Variants in CNTNAP2 observed in about 807,000 individuals in gnomAD.
The protein encoded by CNTNAP2 is contactin-associated protein-like 2.
A neutral mutation model predicts 155.2 loss-of-function variants in CNTNAP2; 98 were observed. The observed-to-expected ratio is 0.63, with a 90% CI of 0.54 to 0.75. The LOEUF (loss-of-function observed/expected upper bound fraction) is 0.75, where lower values mean the gene tolerates loss of function less well. Ranked by LOEUF, CNTNAP2 falls within the 30% of genes least tolerant of loss-of-function variation. The pLI is 0.00. For missense variants in CNTNAP2, 1,727 were observed against 1,688.1 expected, an observed-to-expected ratio of 1.02 and a Z score of -0.40; for synonymous variants, 651 against 631.2, an observed-to-expected ratio of 1.03 and a Z score of -0.47.
At chr7:146,637,284 C>A (rs1306325196) in intron 1 of CNTNAP2, among the ~76,000 whole-genome samples, 4 of 152,062 alleles carry the variant, frequency 2.6e-5, no homozygotes, top group African/African-American at 9.7e-5. Flanking sequence ...TCACATTTTT[C>A]AATACATATT....
intron 9 of CNTNAP2, among the ~76,000 whole-genome samples, chr7:147,315,009 G>A (rs1917599): frequency 0.51 from 75,737 of 149,350 alleles, 21,194 homozygotes; most frequent in East Asian, 0.73. Flanking sequence ...AAGTTGATTC[G>A]AAGAGCAGTG....
intron 1 of CNTNAP2, among the ~76,000 whole-genome samples, chr7:146,631,373 T>C (rs780706451): frequency 7.9e-5 from 12 of 152,184 alleles, no homozygotes; most frequent in Non-Finnish European, 1.6e-4. Context: ...GCCAGAATCA[T>C]AGATGTTTGG....
At chr7:146,325,361 C>A (rs987151328) in intron 1 of CNTNAP2, among the ~76,000 whole-genome samples, 3 of 152,138 alleles carry the variant, frequency 2.0e-5, no homozygotes, top group Non-Finnish European at 4.4e-5. Context: ...AGTCATATTT[C>A]TGACTTTGTG....
chr7:147,254,989 A>G (rs4725709), intron 8 of CNTNAP2, among the ~76,000 whole-genome samples: 67,249 of 152,028 alleles, frequency 0.44, 16,543 homozygotes, highest in East Asian at 0.79. Context: ...TATAATTGCA[A>G]TCATGTATTG....
chr7:148,278,583 A>G (rs1472304014), intron 21 of CNTNAP2, among the ~76,000 whole-genome samples: 1 of 151,764 alleles, frequency 6.6e-6, no homozygotes, highest in Non-Finnish European at 1.5e-5. Context: ...AAAAAAAAAA[A>G]AAAAAGCCTG....
intron 1 of CNTNAP2, among the ~76,000 whole-genome samples, chr7:146,341,587 G>A (rs1052345580): frequency 3.9e-5 from 6 of 152,062 alleles, no homozygotes; most frequent in Non-Finnish European, 8.8e-5. Context: ...ACATAACATA[G>A]TAATAATGCT....
chr7:147,947,010 A>G (rs1800831071), intron 14 of CNTNAP2, among the ~76,000 whole-genome samples: 2 of 151,944 alleles, frequency 1.3e-5, no homozygotes, highest in South Asian at 2.1e-4. Flanking sequence ...TAAATGACTT[A>G]CAGGGGAAAT....
intron 1 of CNTNAP2, among the ~76,000 whole-genome samples, chr7:146,730,427 A>G (rs17592699): frequency 0.014 from 2,166 of 152,234 alleles, 27 homozygotes; most frequent in Non-Finnish European, 0.023. Context: ...TACACATCCA[A>G]TAAATGTCCA....
At chr7:146,163,079 C>G (rs1798249922) in intron 1 of CNTNAP2, among the ~76,000 whole-genome samples, 1 of 152,062 alleles carries the variant, frequency 6.6e-6, no homozygotes. Flanking sequence ...ACGGGTGCAG[C>G]ACACCAACAT....
At position 147,891,351 on chromosome 7, in the gene CNTNAP2, T is replaced by C. The variant is rs1481732961; in HGVS notation, c.2099-12214T>C. ...TCCCGAGTAGCTGGGATTGCAGGCG[T>C]GCACCATCATGCCCGGCTAATTTTT... On this transcript the variant is annotated intron_variant, in intron 13 of 23. Coordinates refer to ENST00000361727, the MANE Select transcript of CNTNAP2 (RefSeq NM_014141.6). Among the ~76,000 whole-genome samples the C allele has an allele frequency of 2.0e-5, 3 of 152,172 alleles. No individual in the cohort carries two copies. In the South Asian group the frequency reaches 6.2e-4, roughly 32 times the overall value.
intron 10 of CNTNAP2, among the ~76,000 whole-genome samples, chr7:147,397,006 T>G (rs2116456851): frequency 6.6e-6 from 1 of 152,188 alleles, no homozygotes; most frequent in East Asian, 1.9e-4. Context: ...AAATAATCTA[T>G]TTTGAAGTAA....
chr7:147,869,780 A>G (rs551607234), intron 13 of CNTNAP2, among the ~76,000 whole-genome samples: 4 of 152,176 alleles, frequency 2.6e-5, no homozygotes, highest in East Asian at 1.9e-4. Context: ...GATTGCAGAT[A>G]ATAAGTTTGT....
At chr7:146,603,655 C>T (rs1190115395) in intron 1 of CNTNAP2, among the ~76,000 whole-genome samples, 1 of 151,022 alleles carries the variant, frequency 6.6e-6, no homozygotes, top group Admixed American at 6.6e-5. Flanking sequence ...AGGAATCACA[C>T]TACCTGACTT....
At chr7:148,372,561 A>C (rs1798906859) in intron 21 of CNTNAP2, among the ~76,000 whole-genome samples, 1 of 151,978 alleles carries the variant, frequency 6.6e-6, no homozygotes, top group South Asian at 2.1e-4. Flanking sequence ...TACAAAAATT[A>C]GCCTGGTGTG....
At chr7:147,466,843 C>T (rs962474107) in intron 10 of CNTNAP2, among the ~76,000 whole-genome samples, 1 of 152,114 alleles carries the variant, frequency 6.6e-6, no homozygotes, top group African/African-American at 2.4e-5. Context: ...ACTTGAACCC[C>T]AGGAGGCAGA....
At chr7:148,055,035 A>G (rs1464301278) in intron 15 of CNTNAP2, among the ~76,000 whole-genome samples, 1 of 151,990 alleles carries the variant, frequency 6.6e-6, no homozygotes, top group East Asian at 1.9e-4. Flanking sequence ...AGTGGACACC[A>G]CCACGCCTGG....
intron 1 of CNTNAP2, among the ~76,000 whole-genome samples, chr7:146,352,848 G>A (rs192498764): frequency 4.4e-5 from 6 of 137,066 alleles, no homozygotes; most frequent in Admixed American, 8.0e-5. Context: ...TCCGCCTCCC[G>A]GGTTCACGCC....
chr7:147,446,123 CT>C lies in CNTNAP2; in HGVS notation c.1671-39794del, dbSNP rs35712483. ...AGACACACTTGCTCTTTGTTTCTTTCTTTTTTTTTTTTTTTTTTAACCTGTG... is the reference window on the plus strand; with the variant it reads ...AGACACACTTGCTCTTTGTTTCTTTCTTTTTTTTTTTTTTTTTAACCTGTG... On this transcript the variant is annotated intron_variant, in intron 10 of 23. Coordinates refer to ENST00000361727, the MANE Select transcript of CNTNAP2 (RefSeq NM_014141.6). 4.0e-3 allele frequency among the ~76,000 whole-genome samples: 565 copies of C among 139,844 alleles called. 2 individuals are homozygous for C. Among genetic ancestry groups the C allele is most frequent in the Middle Eastern group, 7.7e-3 (2 of 260 alleles). The allele number at this position is 139,844 out of a possible 152,430, so 91.7% of individuals were successfully genotyped here.
intron 8 of CNTNAP2, among the ~76,000 whole-genome samples, chr7:147,140,244 G>A (rs1801565328): frequency 6.6e-6 from 1 of 151,860 alleles, no homozygotes; most frequent in South Asian, 2.1e-4. Flanking sequence ...GCACTTCCAG[G>A]CTTTCTGAGT....
Sources: gnomAD v4.1 joint callset for allele counts (sites outside exome capture counted in the v4.1 genomes callset) on GRCh38, gnomAD v4.1.1 for gene constraint, MANE v1.5 for transcripts, NCBI Gene and HGNC (gene_info 2026-07-23, HGNC 2026-07-21) for gene names.